The following GMDS variants were observed in gnomAD, a reference collection of about 807,000 sequenced individuals.
GMDS encodes GDP-mannose 4,6 dehydratase.
GMDS carries 20 observed loss-of-function variants against 49.9 expected under a neutral mutation model. That is an observed-to-expected ratio of 0.40 (90% CI 0.28 to 0.58). GMDS has a LOEUF of 0.58. GMDS is among the 20% of genes least tolerant of loss of function. GMDS has a pLI of 0.42. For missense variants in GMDS, 362 were observed against 481.4 expected, an observed-to-expected ratio of 0.75 and a Z score of 2.32; for synonymous variants, 177 against 178.6, an observed-to-expected ratio of 0.99 and a Z score of 0.07.
At chr6:1,661,394 A>G (rs1194780323) in intron 9 of GMDS, among the ~76,000 whole-genome samples, 1 of 152,224 alleles carries the variant, frequency 6.6e-6, no homozygotes, top group Non-Finnish European at 1.5e-5. Flanking sequence ...TTCAAAGCTC[A>G]CTACAAACAT....
intron 9 of GMDS, among the ~76,000 whole-genome samples, chr6:1,667,009 C>T (rs181531767): frequency 1.9e-4 from 29 of 152,280 alleles, no homozygotes; most frequent in Non-Finnish European, 2.9e-4. Flanking sequence ...CAGAACTCAG[C>T]GAGAAGAGCA....
chr6:1,913,647 G>T (rs1761197906), intron 7 of GMDS, among the ~76,000 whole-genome samples: 1 of 152,174 alleles, frequency 6.6e-6, no homozygotes. Flanking sequence ...AGACTTGAAA[G>T]AAGCCCATAG....
At chr6:1,922,335 C>T (rs773865268) in intron 7 of GMDS, among the ~76,000 whole-genome samples, 3 of 152,194 alleles carry the variant, frequency 2.0e-5, no homozygotes, top group African/African-American at 4.8e-5. Flanking sequence ...TGGATTCAGG[C>T]ACCACTAACA....
chr6:2,118,552 TAAG>T (rs1222647152), intron 2 of GMDS, among the ~76,000 whole-genome samples: 2 of 152,222 alleles, frequency 1.3e-5, no homozygotes, highest in East Asian at 3.8e-4. Flanking sequence ...AGGTAAATTA[TAAG>T]AATATAAGAC....
chr6:1,695,163 A>G (rs189244459), intron 9 of GMDS, among the ~76,000 whole-genome samples: 45 of 152,304 alleles, frequency 3.0e-4, no homozygotes, highest in African/African-American at 1.0e-3. Context: ...GGGTCCAGGA[A>G]AGCTCGTCTG....
chr6:1,992,925 T>TCC (rs1766044142), intron 4 of GMDS, among the ~76,000 whole-genome samples: 1 of 152,150 alleles, frequency 6.6e-6, no homozygotes, highest in Admixed American at 6.5e-5. Context: ...AACCAACACA[T>TCC]CCCCTGCACT....
chr6:2,018,896 T>C (rs1431795104), intron 4 of GMDS, among the ~76,000 whole-genome samples: 2 of 152,110 alleles, frequency 1.3e-5, no homozygotes, highest in Non-Finnish European at 2.9e-5. Context: ...CATTTAACCT[T>C]TCAAGGAACT....
Position 1,870,247 on chromosome 6 carries a change from A to G in GMDS, c.771+59856T>C, listed in dbSNP as rs114069889. On this transcript the variant is annotated intron_variant, in intron 7 of 10. Transcript: ENST00000380815. Reference sequence around the variant, plus strand: ...TGATCAATACGGCAGGTTTGTACAGAGAAGTGCACTTGGTGGTGACAGCTA... The same window carrying G: ...TGATCAATACGGCAGGTTTGTACAGGGAAGTGCACTTGGTGGTGACAGCTA... Among the ~76,000 whole-genome samples, 834 of 152,312 alleles carry G rather than the reference A, an allele frequency of 5.5e-3. 3 individuals carry two copies. The highest frequency in any genetic ancestry group is 0.02 in the African/African-American group (811 of 41,560).
At chr6:1,728,774 G>A in intron 8 of GMDS, among the ~76,000 whole-genome samples, 1 of 152,136 alleles carries the variant, frequency 6.6e-6, no homozygotes, top group Non-Finnish European at 1.5e-5. Flanking sequence ...GAGCCAGACA[G>A]TAAATACTTA....
chr6:2,207,193 G>A (rs1269700787), intron 1 of GMDS, among the ~76,000 whole-genome samples: 1 of 151,944 alleles, frequency 6.6e-6, no homozygotes, highest in Non-Finnish European at 1.5e-5. Flanking sequence ...TCTATATCTG[G>A]CTTCTACCCT....
chr6:1,675,470 T>A (rs1764587342), intron 9 of GMDS, among the ~76,000 whole-genome samples: 1 of 152,158 alleles, frequency 6.6e-6, no homozygotes, highest in Non-Finnish European at 1.5e-5. Context: ...GGGCTTCCAG[T>A]GCAACACTGA....
At position 1,770,846 on chromosome 6, in the gene GMDS, A is replaced by G. The variant is rs368679224; in HGVS notation, c.772-28260T>C. 2.6e-5 allele frequency among the ~76,000 whole-genome samples: 4 copies of G among 152,364 alleles called. No individual in the cohort carries two copies. The East Asian group carries it at 7.7e-4, about 29-fold the overall frequency. On this transcript the variant is annotated intron_variant, in intron 7 of 10. Transcript: ENST00000380815. ...AACTGTTCTGAAAAGGTATTTTAAAATGATGATCCAATAAGAAAGAAAACT... is the reference window on the plus strand; with the variant it reads ...AACTGTTCTGAAAAGGTATTTTAAAGTGATGATCCAATAAGAAAGAAAACT...
At position 1,922,763 on chromosome 6, in the gene GMDS, G is replaced by A. The variant is rs140051543; in HGVS notation, c.771+7340C>T. Among the ~76,000 whole-genome samples the A allele has an allele frequency of 2.2e-3, 338 of 152,290 alleles. 1 individual carries two copies. Among genetic ancestry groups the A allele is most frequent in the Non-Finnish European group, 2.5e-3 (173 of 68,016 alleles). ...TGACTCAGGGAAGAGCCGGCTGGAC[G>A]TCAGGGGAAGACTTGTCCCGTCCCA... On this transcript the variant is annotated intron_variant, in intron 7 of 10. Coordinates refer to ENST00000380815, the MANE Select transcript of GMDS (RefSeq NM_001500.4).
intron 4 of GMDS, among the ~76,000 whole-genome samples, chr6:2,005,597 A>T (rs1389870493): frequency 6.6e-6 from 1 of 152,218 alleles, no homozygotes; most frequent in African/African-American, 2.4e-5. Context: ...TCACTCTATC[A>T]GGACCAATAT....
intron 7 of GMDS, among the ~76,000 whole-genome samples, chr6:1,807,112 G>C (rs994852336): frequency 4.6e-5 from 7 of 151,996 alleles, no homozygotes; most frequent in Non-Finnish European, 7.4e-5. Context: ...TGGCAATCAG[G>C]GCTCACCGCA....
chr6:2,150,897 C>A (rs1051612877), intron 1 of GMDS, among the ~76,000 whole-genome samples: 1 of 152,116 alleles, frequency 6.6e-6, no homozygotes, highest in African/African-American at 2.4e-5. Flanking sequence ...CAGCTTCTAG[C>A]TAATTTGAAT....
intron 4 of GMDS, among the ~76,000 whole-genome samples, chr6:2,081,914 ACTGT>A (rs1344590304): frequency 2.0e-5 from 3 of 151,974 alleles, no homozygotes; most frequent in Non-Finnish European, 1.5e-5. Context: ...CCACTTCAAA[ACTGT>A]CTGACTTCCA....
chr6:2,010,617 G>A (rs180964889), intron 4 of GMDS, among the ~76,000 whole-genome samples: 87 of 152,144 alleles, frequency 5.7e-4, no homozygotes, highest in African/African-American at 2.1e-3. Flanking sequence ...TTCACTGAGA[G>A]CAAACAGAAA....
chr6:1,774,864 G>GTT (rs1561795718), intron 7 of GMDS, among the ~76,000 whole-genome samples: 1 of 152,196 alleles, frequency 6.6e-6, no homozygotes, highest in Non-Finnish European at 1.5e-5. Flanking sequence ...AGGGAACTGA[G>GTT]TTTCAGAGAG....
Sources: gnomAD v4.1 joint callset for allele counts (sites outside exome capture counted in the v4.1 genomes callset) on GRCh38, gnomAD v4.1.1 for gene constraint, MANE v1.5 for transcripts, NCBI Gene and HGNC (gene_info 2026-07-23, HGNC 2026-07-21) for gene names.